SGSM2: variants seen among roughly 807,000 people sequenced by gnomAD.
SGSM2 encodes RUN and TBC1 domain containing 1.
A neutral mutation model predicts 126.6 loss-of-function variants in SGSM2; 89 were observed. The ratio of observed to expected loss-of-function variants is 0.70; its 90% CI spans 0.59 to 0.84. The LOEUF (loss-of-function observed/expected upper bound fraction) is 0.84, where lower values mean the gene tolerates loss of function less well. Among genes scored for constraint, SGSM2 ranks in the 40% least tolerant of loss-of-function variants. The pLI is 0.00. For missense variants in SGSM2, 1,404 were observed against 1,416.6 expected (o/e 0.99, Z 0.14); for synonymous variants, 614 against 574.3 (o/e 1.07, Z -0.99).
At position 2,373,515 on chromosome 17, in the gene SGSM2, T is replaced by C. The variant is rs374767771; in HGVS notation, c.2100+2T>C. 215 of 1,598,484 alleles carry C rather than the reference T, an allele frequency of 1.3e-4. 1 individual carries two copies. Among genetic ancestry groups the C allele is most frequent in the Non-Finnish European group, 1.8e-4 (211 of 1,176,426 alleles). ...CGAGACTCCACCATCAGCAACGATGTGAGCCAGACGGGACCTGGAGGGTTG... is the reference window on the plus strand; with the variant it reads ...CGAGACTCCACCATCAGCAACGATGCGAGCCAGACGGGACCTGGAGGGTTG... On this transcript the variant is annotated splice_donor_variant, in intron 17 of 23. Transcript: ENST00000268989. LOFTEE classifies it high-confidence loss of function.
At chr17:2,340,833 C>G (rs1395494547) in intron 1 of SGSM2, among the ~76,000 whole-genome samples, 1 of 152,200 alleles carries the variant, frequency 6.6e-6, no homozygotes, top group Admixed American at 6.5e-5. Context: ...ATCCGCCCAC[C>G]TTGGCCTCCC....
rs780520763 is a variant in SGSM2 at position 2,377,062 on chromosome 17, C to T, written c.2796C>T (p.Leu932=). 6.2e-7 allele frequency: 1 copy of T among 1,610,512 alleles called. No homozygotes were observed. Among genetic ancestry groups the T allele is most frequent in the Non-Finnish European group, 8.5e-7 (1 of 1,177,704 alleles). The change falls in exon 21 of 24, where the codon CTC becomes CTT. Residue 932 remains leucine (L), a synonymous_variant. Coordinates refer to ENST00000268989, the MANE Select transcript of SGSM2 (RefSeq NM_014853.3). ...CCCACTTTGCCAACATGCGCTCCCT[C>T]ATCCAGGTGAGGCCGGTTGCCACCC... ...MDTHFANMRS[L]IQILDSELFE...
intron 1 of SGSM2, among the ~76,000 whole-genome samples, chr17:2,339,748 T>C (rs1043099201): frequency 6.6e-6 from 1 of 150,420 alleles, no homozygotes; most frequent in African/African-American, 2.4e-5. Flanking sequence ...CTCTAGATGG[T>C]TCTCATGCGT....
In SGSM2 at chr17:2,367,256, G is replaced by C; in HGVS notation, c.1289-15G>C. 6.2e-7 allele frequency: 1 copy of C among 1,609,774 alleles called. No individual in the cohort carries two copies. The highest frequency in any genetic ancestry group is 8.5e-7 in the Non-Finnish European group (1 of 1,178,032). On this transcript the variant is annotated splice_polypyrimidine_tract_variant and intron_variant, in intron 11 of 23. Transcript: ENST00000268989. The surrounding 1 kb of genome is among the most constrained non-coding windows in gnomAD (Gnocchi z 4.0). Reference sequence around the variant, plus strand: ...GGGCCTCATGCCTCTGCCTCTCGCTGTTCTCTTTGAGCAGTCACTATTAAC... The same window carrying C: ...GGGCCTCATGCCTCTGCCTCTCGCTCTTCTCTTTGAGCAGTCACTATTAAC...
intron 1 of SGSM2, among the ~76,000 whole-genome samples, chr17:2,339,340 G>A (rs561837627): frequency 6.6e-6 from 1 of 152,198 alleles, no homozygotes; most frequent in South Asian, 2.1e-4. Flanking sequence ...GGAGGCTGTG[G>A]CAGGAGAATC....
At position 2,372,811 on chromosome 17, in the gene SGSM2, G is replaced by A. The variant is rs2065936585; in HGVS notation, c.1789-142G>A. 1 of 1,172,972 alleles carries A rather than the reference G, an allele frequency of 8.5e-7. No individual in the cohort carries two copies. Among genetic ancestry groups the A allele is most frequent in the Non-Finnish European group, 1.2e-6 (1 of 850,350 alleles). The allele number at this position is 1,172,972 out of a possible 1,614,324, so 72.7% of individuals were successfully genotyped here. ...TGTGAGCTGGGGCACGGGAGGACGT[G>A]GCCACCCCAAAGCAGGCCTTGCCTG... is the stretch of plus-strand genomic sequence containing the variant. On this transcript the variant is annotated intron_variant, in intron 15 of 23. Transcript: ENST00000268989. This position sits in a 1 kb window ranked among gnomAD's most constrained non-coding sequence, Gnocchi z 6.0.
Position 2,337,981 on chromosome 17 carries a change from C to T in SGSM2, c.57+236C>T, listed in dbSNP as rs1049192357. On this transcript the variant is annotated intron_variant, in intron 1 of 23. Coordinates refer to ENST00000268989, the MANE Select transcript of SGSM2 (RefSeq NM_014853.3). This position sits in a 1 kb window ranked among gnomAD's most constrained non-coding sequence, Gnocchi z 5.1. ...TTGTTTGCTTCGCAGCCCCGCAGCT[C>T]CCCGCCCAGTGACGGCAGCGGCGCT... is the stretch of plus-strand genomic sequence containing the variant. 2.0e-5 allele frequency among the ~76,000 whole-genome samples: 3 copies of T among 152,018 alleles called. No homozygotes were observed. The highest frequency in any genetic ancestry group is 4.4e-5 in the Non-Finnish European group (3 of 67,958).
intron 12 of SGSM2, among the ~76,000 whole-genome samples, chr17:2,368,849 G>A (rs138050068): frequency 6.6e-6 from 1 of 152,296 alleles, no homozygotes; most frequent in Non-Finnish European, 1.5e-5. Context: ...GGGGACCCAC[G>A]GAGCTACTTC....
At position 2,372,242 on chromosome 17, in the gene SGSM2, G is replaced by A; in HGVS notation, c.1630G>A (p.Ala544Thr). The change falls in exon 14 of 24, where the codon GCC (alanine) becomes ACC (threonine). Residue 544 changes from alanine to threonine, a missense_variant. Physicochemically the swap from Ala to Thr is moderately conservative, Grantham distance 58. Transcript: ENST00000268989. This position sits in a 1 kb window ranked among gnomAD's most constrained non-coding sequence, Gnocchi z 6.0. ...TATGAAGAGGCAGATCGTGTCCCGG[G>A]CCTTCTACGGCTGTGAGTGTGGGGC... is the stretch of plus-strand genomic sequence containing the variant. ...ESMKRQIVSR[A>T]FYGWLAHCRH... The A allele has an allele frequency of 6.2e-7, 1 of 1,613,104 alleles. No individual in the cohort carries two copies. Among genetic ancestry groups the A allele is most frequent in the Non-Finnish European group, 8.5e-7 (1 of 1,179,678 alleles).
chr17:2,375,912 C>T, intron 18 of SGSM2, 37 bp downstream of exon 18: 2 of 1,509,052 alleles, frequency 1.3e-6, no homozygotes, highest in South Asian at 1.3e-5. Flanking sequence ...CCAGCCGCCC[C>T]AGAGGCCCTC....
At chr17:2,340,788 G>C (rs565581790) in intron 1 of SGSM2, among the ~76,000 whole-genome samples, 140 of 151,960 alleles carry the variant, frequency 9.2e-4, no homozygotes, top group African/African-American at 3.2e-3. Flanking sequence ...GTTTCACCAT[G>C]TTAGCCAGGA....
At chr17:2,378,814 G>A (rs1382976896) in intron 22 of SGSM2, among the ~76,000 whole-genome samples, 2 of 152,168 alleles carry the variant, frequency 1.3e-5, no homozygotes, top group African/African-American at 2.4e-5. Context: ...GCCAGGCTCT[G>A]TGTCATGGAG....
At chr17:2,344,601 G>T (rs543879635) in intron 2 of SGSM2, among the ~76,000 whole-genome samples, 1 of 152,324 alleles carries the variant, frequency 6.6e-6, no homozygotes, top group South Asian at 2.1e-4. Flanking sequence ...AAGATGGACA[G>T]AGTCTCTGCC....
Position 2,380,431 on chromosome 17 carries a change from C to A in SGSM2, c.*911C>A. 2.3e-6 allele frequency: 2 copies of A among 872,268 alleles called. No homozygotes were observed. The highest frequency in any genetic ancestry group is 1.8e-6 in the Non-Finnish European group (1 of 550,906). 54.0% of individuals were successfully genotyped at this position (872,268 alleles called of 1,614,324 possible). A position where few individuals can be genotyped will look rare whatever the true frequency, so the allele number is the denominator to read the frequency against. The stretch of plus-strand genomic sequence containing the variant: ...CCTCAGTTCGAGGGCAGCCCATTAT[C>A]TGTCGCAGACATCTGCCATGTCCCT... On this transcript the variant is annotated 3_prime_UTR_variant, in exon 24 of 24. Coordinates refer to ENST00000268989, the MANE Select transcript of SGSM2 (RefSeq NM_014853.3).
At chr17:2,345,537 A>G (rs1024770499) in intron 2 of SGSM2, among the ~76,000 whole-genome samples, 3 of 148,612 alleles carry the variant, frequency 2.0e-5, no homozygotes, top group African/African-American at 7.5e-5. Flanking sequence ...CGGAGCTTGC[A>G]GTGAGCCAAG....
chr17:2,364,330 G>A, intron 8 of SGSM2, 147 bp downstream of exon 8: 3 of 1,098,806 alleles, frequency 2.7e-6, no homozygotes, highest in Non-Finnish European at 3.9e-6. Flanking sequence ...GCTGCCTGGA[G>A]TGATTCCCAA....
In SGSM2 at chr17:2,361,547, T is replaced by C. The variant is rs1050472402; in HGVS notation, c.134-90T>C. ...CCTGCCCTTGGCTTGCCCTTACCCC[T>C]TGCCTCACCACAGGTATGGGGAAGA... On this transcript the variant is annotated intron_variant, in intron 2 of 23. Coordinates refer to ENST00000268989, the MANE Select transcript of SGSM2 (RefSeq NM_014853.3). 1.9e-5 allele frequency: 29 copies of C among 1,509,200 alleles called. No homozygotes were observed. In the African/African-American group the frequency reaches 3.7e-4, roughly 19 times the overall value. 93.5% of individuals were successfully genotyped at this position (1,509,200 alleles called of 1,614,324 possible).
chr17:2,365,406 C>G (rs972736278), intron 11 of SGSM2, 65 bp downstream of exon 11: 5 of 1,470,346 alleles, frequency 3.4e-6, no homozygotes, highest in African/African-American at 1.4e-5. Context: ...GGGAGCGCAG[C>G]GTCACCCAGG....
intron 9 of SGSM2, 78 bp from the exon 10 acceptor site, chr17:2,364,819 C>A: frequency 6.3e-7 from 1 of 1,581,054 alleles, no homozygotes. Flanking sequence ...TGCCTCCTAC[C>A]CAGCCTGGGG....
Sources: gnomAD v4.1 joint callset for allele counts (sites outside exome capture counted in the v4.1 genomes callset) on GRCh38, gnomAD v4.1.1 for gene constraint, Gnocchi (gnomAD v3.1) non-coding constraint, MANE v1.5 for transcripts, NCBI Gene and HGNC (gene_info 2026-07-23, HGNC 2026-07-21) for gene names.